Variants in PSME4 observed in about 807,000 individuals in gnomAD.
PSME4 encodes proteasome activator complex subunit 4.
Under a neutral mutation model 253.9 loss-of-function variants are expected in PSME4, and 89 were observed. The ratio of observed to expected loss-of-function variants is 0.35; its 90% CI spans 0.30 to 0.42. The LOEUF is 0.42. Among genes scored for constraint, PSME4 ranks in the 10% least tolerant of loss-of-function variants. The pLI, the probability that PSME4 is intolerant of heterozygous loss-of-function variation, is 1.00. For missense variants in PSME4, 2,014 were observed against 2,195.2 expected (o/e 0.92, Z 1.65); for synonymous variants, 851 against 759.2 (o/e 1.12, Z -1.99).
At chr2:53,926,057 T>C (rs753750467) in intron 12 of PSME4, 34 bp from the exon 13 acceptor site, 30 of 1,560,778 alleles carry the variant, frequency 1.9e-5, no homozygotes, top group Middle Eastern at 3.3e-4. Flanking sequence ...AGATTACATA[T>C]AGCCTTTGTT....
At chr2:53,929,794 G>C (rs939192599) in intron 10 of PSME4, among the ~76,000 whole-genome samples, 4 of 152,004 alleles carry the variant, frequency 2.6e-5, no homozygotes, top group Admixed American at 2.0e-4. Context: ...AAGGCAGGCG[G>C]ACTGCTTGAG....
At chr2:53,943,367 G>C (rs566834884) in intron 3 of PSME4, among the ~76,000 whole-genome samples, 2 of 152,122 alleles carry the variant, frequency 1.3e-5, no homozygotes, top group African/African-American at 4.8e-5. Context: ...ACTTCATCTA[G>C]AAGTCAGTTA....
At chr2:53,893,853 T>C in intron 34 of PSME4, 54 bp from the exon 35 acceptor site, 2 of 1,514,158 alleles carry the variant, frequency 1.3e-6, no homozygotes, top group Non-Finnish European at 1.8e-6. Flanking sequence ...CTTAAATACA[T>C]GATTCTGAAA....
chr2:53,888,266 GT>G (rs1338503559), intron 38 of PSME4: 2 of 270,852 alleles, frequency 7.4e-6, no homozygotes, highest in African/African-American at 4.4e-5. Flanking sequence ...CACAATTCAA[GT>G]TTTCTCATTA....
intron 1 of PSME4, among the ~76,000 whole-genome samples, chr2:53,963,120 G>A (rs1670562753): frequency 6.6e-6 from 1 of 152,018 alleles, no homozygotes; most frequent in East Asian, 1.9e-4. Flanking sequence ...GAGCCCAAGA[G>A]TTCAAGGCCA....
At chr2:53,890,059 G>A (rs200813959) in intron 37 of PSME4, 45 bp downstream of exon 37, 55 of 1,406,074 alleles carry the variant, frequency 3.9e-5, no homozygotes, top group Non-Finnish European at 5.1e-5. Context: ...GTATCAAACA[G>A]TTTGAATAGA....
At chr2:53,927,353 T>C (rs747493272) in intron 12 of PSME4, 41 bp downstream of exon 12, 2 of 1,352,612 alleles carry the variant, frequency 1.5e-6, no homozygotes, top group South Asian at 1.2e-5. Context: ...CAATAATAAT[T>C]AGAACATCTT....
chr2:53,948,119 A>G (rs1310965239), intron 3 of PSME4, among the ~76,000 whole-genome samples: 2 of 152,246 alleles, frequency 1.3e-5, no homozygotes, highest in Admixed American at 1.3e-4. Context: ...TGAAATCACT[A>G]TTAACCAAAA....
At chr2:53,962,014 G>C (rs1360634467) in intron 1 of PSME4, among the ~76,000 whole-genome samples, 2 of 152,214 alleles carry the variant, frequency 1.3e-5, no homozygotes, top group Non-Finnish European at 2.9e-5. Flanking sequence ...GGAATGCTGA[G>C]AAAGATAAAA....
intron 6 of PSME4, 99 bp from the exon 7 acceptor site, chr2:53,936,260 A>G (rs1669111496): frequency 4.6e-6 from 7 of 1,519,530 alleles, no homozygotes; most frequent in African/African-American, 1.4e-5. Flanking sequence ...GGCAATCATT[A>G]GTGCAATCTA....
At chr2:53,929,021 C>T (rs566106656) in intron 10 of PSME4, among the ~76,000 whole-genome samples, 11 of 152,070 alleles carry the variant, frequency 7.2e-5, no homozygotes, top group Admixed American at 4.6e-4. Context: ...CAAAAATTGG[C>T]GGGGTGTGGT....
At chr2:53,895,160 T>A in intron 33 of PSME4, 84 bp from the exon 34 acceptor site, 1 of 1,177,844 alleles carries the variant, frequency 8.5e-7, no homozygotes, top group Non-Finnish European at 1.2e-6. Flanking sequence ...AAGGCACTTT[T>A]AATGAACTCT....
At chr2:53,949,338 G>T in intron 1 of PSME4, 55 bp from the exon 2 acceptor site, 1 of 1,175,926 alleles carries the variant, frequency 8.5e-7, no homozygotes, top group Non-Finnish European at 1.2e-6. Context: ...ACACATCCAT[G>T]TTCAATGCAG....
At chr2:53,911,021 AT>A (rs1667806888) in intron 20 of PSME4, among the ~76,000 whole-genome samples, 1 of 152,188 alleles carries the variant, frequency 6.6e-6, no homozygotes, top group African/African-American at 2.4e-5. Flanking sequence ...AGAAAATACT[AT>A]TTTTAAATCA....
intron 8 of PSME4, chr2:53,933,308 G>A (rs112162975): frequency 0.12 from 18,011 of 147,588 alleles, 1,890 homozygotes; most frequent in African/African-American, 0.29. Context: ...AACCCGGGAG[G>A]TGGAGGTTGC....
rs1055117925 is a variant in PSME4, at chr2:53,932,860, T to A, written c.958-100A>T. 1.7e-5 allele frequency: 14 copies of A among 825,710 alleles called. No individual in the cohort carries two copies. The African/African-American group carries it at 2.0e-4, about 12-fold the overall frequency. The allele number at this position is 825,710 out of a possible 1,614,324, so 51.1% of individuals were successfully genotyped here. A position where few individuals can be genotyped will look rare whatever the true frequency, so the allele number is the denominator to read the frequency against. ...ATACGTAAATCACTAATACAGTTTA[T>A]AGTCAACTTGCTGACAAAAATAAAT... On this transcript the variant is annotated intron_variant, in intron 8 of 46. Coordinates refer to ENST00000404125, the MANE Select transcript of PSME4 (RefSeq NM_014614.3).
chr2:53,887,226 T>C (rs756253325), intron 40 of PSME4, 33 bp downstream of exon 40: 8 of 1,552,608 alleles, frequency 5.2e-6, no homozygotes, highest in Middle Eastern at 1.7e-4. Context: ...ATAGATGTTT[T>C]CAACTGAGTT....
At chr2:53,870,260 G>A (rs568963878) in intron 43 of PSME4, 4 of 151,960 alleles carry the variant, frequency 2.6e-5, no homozygotes, top group Non-Finnish European at 4.4e-5. Flanking sequence ...TGTCGAGTAC[G>A]TAACATGTTC....
rs76479676 is a variant in PSME4 at position 53,961,159 on chromosome 2, A to G, written c.242+9384T>C. On this transcript the variant is annotated intron_variant, in intron 1 of 46. Transcript: ENST00000404125. The stretch of plus-strand genomic sequence containing the variant: ...TGTAAACCAAATACAGAAGTAGTCA[A>G]CCTCAAGGTTCCAAATGGGAATATT... Among the ~76,000 whole-genome samples, 846 of 152,268 alleles carry G rather than the reference A, an allele frequency of 5.6e-3. 7 individuals are homozygous for G. The highest frequency in any genetic ancestry group is 0.02 in the African/African-American group (827 of 41,544).
Sources: gnomAD v4.1 joint callset for allele counts (sites outside exome capture counted in the v4.1 genomes callset) on GRCh38, gnomAD v4.1.1 for gene constraint, MANE v1.5 for transcripts, NCBI Gene and HGNC (gene_info 2026-07-23, HGNC 2026-07-21) for gene names.